The following MYO9A variants were observed in gnomAD, a reference collection of about 807,000 sequenced individuals.
MYO9A encodes myosin IXA.
MYO9A carries 103 observed loss-of-function variants against 293.3 expected under a neutral mutation model. That is an observed-to-expected ratio of 0.35 (90% CI 0.30 to 0.41). The LOEUF (loss-of-function observed/expected upper bound fraction) is 0.41, where lower values mean the gene tolerates loss of function less well. Among genes scored for constraint, MYO9A ranks in the 10% least tolerant of loss-of-function variants. The probability of loss-of-function intolerance (pLI) is 1.00; values close to 1 mark genes in which losing one functional copy is unlikely to be tolerated. For synonymous variants in MYO9A, 1,001 were observed against 1,035.7 expected (o/e 0.97, Z 0.64); for missense variants, 2,685 against 3,033.0 (o/e 0.89, Z 2.69).
chr15:71,837,837 T>A (rs1243944693), intron 39 of MYO9A, among the ~76,000 whole-genome samples: 1 of 152,142 alleles, frequency 6.6e-6, no homozygotes, highest in Non-Finnish European at 1.5e-5. Flanking sequence ...ATACCATTGG[T>A]TTTAAAAATG....
intron 13 of MYO9A, among the ~76,000 whole-genome samples, chr15:71,967,344 G>A (rs994566581): frequency 6.6e-6 from 1 of 152,114 alleles, no homozygotes; most frequent in Non-Finnish European, 1.5e-5. Context: ...CACATGTTCT[G>A]TGTTCAACAA....
intron 19 of MYO9A, among the ~76,000 whole-genome samples, chr15:71,909,985 A>G (rs899287674): frequency 6.6e-6 from 1 of 151,588 alleles, no homozygotes; most frequent in African/African-American, 2.4e-5. Flanking sequence ...AAATAATGAT[A>G]ATAATAATAC....
chr15:71,934,496 A>C (rs987706950), intron 17 of MYO9A, among the ~76,000 whole-genome samples: 1 of 152,170 alleles, frequency 6.6e-6, no homozygotes, highest in Non-Finnish European at 1.5e-5. Flanking sequence ...TGATTCAGAC[A>C]AGGATTATGG....
rs58300874 is a variant in MYO9A at position 72,091,717 on chromosome 15, C to CT, written c.-72+25962dup. 2.5e-4 allele frequency among the ~76,000 whole-genome samples: 34 copies of CT among 133,346 alleles called. 2 individuals are homozygous for CT. The highest frequency in any genetic ancestry group is 7.6e-4 in the African/African-American group (28 of 36,966). The allele number at this position is 133,346 out of a possible 152,430, so 87.5% of individuals were successfully genotyped here. On this transcript the variant is annotated intron_variant, in intron 1 of 41. Transcript: ENST00000356056. Reference sequence around the variant, plus strand: ...ATCAGAAAATATATATTCTTTTTTTCTTTTTTTTTTTTTTGAGACAGAGTT... The same window carrying CT: ...ATCAGAAAATATATATTCTTTTTTTCTTTTTTTTTTTTTTTGAGACAGAGTT...
chr15:71,979,810 G>A (rs1035630177), intron 11 of MYO9A, among the ~76,000 whole-genome samples: 3 of 152,040 alleles, frequency 2.0e-5, no homozygotes, highest in African/African-American at 2.4e-5. Context: ...TCACAAGAAC[G>A]GCTTGTTAAA....
rs768014270 is a variant in MYO9A at position 71,899,920 on chromosome 15, A to G, written c.3237T>C (p.Ala1079=). The G allele has an allele frequency of 6.2e-7, 1 of 1,614,076 alleles. No homozygotes were observed. The highest frequency in any genetic ancestry group is 8.5e-7 in the Non-Finnish European group (1 of 1,180,028). ...GAGCACGCCAGGAAGCTTGGAGAAG[A>G]GCAGCTGCACTAGCCATAACAAAAG... ...KDAFVMASAA[A]LLQASWRAHL... The change falls in exon 24 of 42, where the codon GCT becomes GCC. Residue 1079 remains alanine, a synonymous_variant. Coordinates refer to ENST00000356056, the MANE Select transcript of MYO9A (RefSeq NM_006901.4).
chr15:72,003,261 T>A (rs1456700169), intron 8 of MYO9A, among the ~76,000 whole-genome samples: 1 of 112,522 alleles, frequency 8.9e-6, no homozygotes, highest in South Asian at 2.7e-4. Flanking sequence ...AAGAGCAAAA[T>A]ACCGTCTCAA....
chr15:72,037,278 A>T (rs1041901649), intron 2 of MYO9A, among the ~76,000 whole-genome samples: 10 of 151,688 alleles, frequency 6.6e-5, no homozygotes, highest in African/African-American at 2.4e-4. Context: ...AAAAAAAAAA[A>T]AAAACACCAA....
chr15:71,851,064 C>A (rs1455556382), intron 37 of MYO9A, among the ~76,000 whole-genome samples, 189 bp downstream of exon 37: 1 of 152,220 alleles, frequency 6.6e-6, no homozygotes, highest in Non-Finnish European at 1.5e-5. Flanking sequence ...AGAAAAGCAA[C>A]TGCCATGCAT....
At chr15:71,905,995 C>T (rs895428366) in intron 19 of MYO9A, among the ~76,000 whole-genome samples, 1 of 151,928 alleles carries the variant, frequency 6.6e-6, no homozygotes, top group African/African-American at 2.4e-5. Flanking sequence ...GCATTTAGTG[C>T]TATAAATTAA....
chr15:72,102,499 T>TAAAAAAAAAAAAAAAAAAAAA (rs55804686), intron 1 of MYO9A, among the ~76,000 whole-genome samples: 1 of 114,458 alleles, frequency 8.7e-6, no homozygotes, highest in Non-Finnish European at 1.8e-5. Flanking sequence ...TAAATAAATT[T>TAAAAAAAAAAAAAAAAAAAAA]AAAAAAAAAA....
chr15:71,833,784 TAAAAC>T (rs1449364948), intron 39 of MYO9A, among the ~76,000 whole-genome samples: 1 of 152,036 alleles, frequency 6.6e-6, no homozygotes, highest in Non-Finnish European at 1.5e-5. Flanking sequence ...AAATAGACTT[TAAAAC>T]AAACCATGGT....
Position 71,898,728 on chromosome 15 carries a change from A to G in MYO9A, c.3775T>C (p.Leu1259=). The G allele has an allele frequency of 6.2e-7, 1 of 1,614,068 alleles. No individual in the cohort carries two copies. Among genetic ancestry groups the G allele is most frequent in the Non-Finnish European group, 8.5e-7 (1 of 1,180,010 alleles). The change falls in exon 25 of 42, where the codon TTG becomes CTG. Residue 1259 remains leucine (L), a synonymous_variant. Coordinates refer to ENST00000356056, the MANE Select transcript of MYO9A (RefSeq NM_006901.4). The part of the protein sequence containing the change: ...DVLVRERPRS[L]EDLHQKKVGR... Reference sequence around the variant, plus strand: ...ACTTTTTTCTGATGGAGATCCTCCAAGGATCTGGGTCTCTCTCTTACAAGC... The same window carrying G: ...ACTTTTTTCTGATGGAGATCCTCCAGGGATCTGGGTCTCTCTCTTACAAGC...
chr15:71,838,368 T>C (rs866201839), intron 39 of MYO9A, among the ~76,000 whole-genome samples: 1 of 152,152 alleles, frequency 6.6e-6, no homozygotes, highest in Non-Finnish European at 1.5e-5. Context: ...AATGGTCTTA[T>C]ATAATAGCAA....
intron 14 of MYO9A, among the ~76,000 whole-genome samples, chr15:71,956,260 T>C (rs1183257490): frequency 7.2e-6 from 1 of 139,410 alleles, no homozygotes; most frequent in Non-Finnish European, 1.5e-5. Context: ...CAGTGAACTG[T>C]GATAGCACCA....
At chr15:72,052,039 G>A (rs1330340285) in intron 1 of MYO9A, among the ~76,000 whole-genome samples, 1 of 152,154 alleles carries the variant, frequency 6.6e-6, no homozygotes, top group Admixed American at 6.5e-5. Context: ...TCCCTGCTGA[G>A]ACCTATAAAA....
intron 1 of MYO9A, among the ~76,000 whole-genome samples, chr15:72,099,605 A>C (rs1382530999): frequency 1.3e-5 from 2 of 151,478 alleles, no homozygotes; most frequent in African/African-American, 4.9e-5. Flanking sequence ...GTCTCAAAAA[A>C]AGAAAAAAAA....
chr15:71,984,788 T>C (rs1340527759), intron 11 of MYO9A, among the ~76,000 whole-genome samples: 1 of 152,232 alleles, frequency 6.6e-6, no homozygotes, highest in Non-Finnish European at 1.5e-5. Context: ...AAGTAATTTG[T>C]AGTTCTTTAA....
At chr15:72,040,285 T>C (rs759613633) in intron 2 of MYO9A, 1 of 152,234 alleles carries the variant, frequency 6.6e-6, no homozygotes, top group African/African-American at 2.4e-5. Context: ...TAATGGCACT[T>C]AGATGCACTT....
Sources: gnomAD v4.1 joint callset for allele counts (sites outside exome capture counted in the v4.1 genomes callset) on GRCh38, gnomAD v4.1.1 for gene constraint, MANE v1.5 for transcripts, NCBI Gene and HGNC (gene_info 2026-07-23, HGNC 2026-07-21) for gene names.